The following THSD4 variants were observed in gnomAD, a reference collection of about 807,000 sequenced individuals.
THSD4 encodes thrombospondin type 1 domain containing 4.
THSD4 carries 69 observed loss-of-function variants against 119.0 expected under a neutral mutation model. That is an observed-to-expected ratio of 0.58 (90% confidence interval 0.48 to 0.71). The LOEUF (loss-of-function observed/expected upper bound fraction) is 0.71, where lower values mean the gene tolerates loss of function less well. Among genes scored for constraint, THSD4 ranks in the 30% least tolerant of loss-of-function variants. The pLI is 0.00. For synonymous variants in THSD4, 524 were observed against 540.4 expected (o/e 0.97, Z 0.42); for missense variants, 1,393 against 1,391.1 (o/e 1.00, Z -0.02).
intron 11 of THSD4, among the ~76,000 whole-genome samples, chr15:71,742,770 AT>A (rs1193475228): frequency 3.3e-5 from 5 of 152,092 alleles, no homozygotes; most frequent in Admixed American, 2.6e-4. Context: ...AGTTGTAGAT[AT>A]GGGTCAGGCG....
In THSD4 at chr15:71,289,296, A is replaced by C. The variant is rs1472449033; in HGVS notation, c.1015+32581A>C. Among the ~76,000 whole-genome samples the C allele has an allele frequency of 7.9e-5, 12 of 152,254 alleles. No homozygotes were observed. In the East Asian group the frequency reaches 2.3e-3, roughly 29 times the overall value. On this transcript the variant is annotated intron_variant, in intron 6 of 17. Transcript: ENST00000261862. ...GTGGCACTGCTGGGAGATGGGAATT[A>C]GTGAAGTTCTTTTGCTTACCCCTCT...
chr15:71,538,311 ACTC>A (rs1448052315), intron 7 of THSD4, among the ~76,000 whole-genome samples: 1 of 152,086 alleles, frequency 6.6e-6, no homozygotes, highest in East Asian at 1.9e-4. Flanking sequence ...AAATAACTTT[ACTC>A]CTCAAGTGGC....
intron 6 of THSD4, among the ~76,000 whole-genome samples, chr15:71,404,012 G>A (rs2046573457): frequency 6.6e-6 from 1 of 152,148 alleles, no homozygotes; most frequent in Non-Finnish European, 1.5e-5. Context: ...CTGCAATCTG[G>A]AAACAGAAAT....
At chr15:71,120,726 G>A (rs780642972) in intron 1 of THSD4, among the ~76,000 whole-genome samples, 5 of 152,254 alleles carry the variant, frequency 3.3e-5, no homozygotes, top group African/African-American at 4.8e-5. Context: ...CCTGCTCCAG[G>A]TGGGCTTGGA....
chr15:71,457,857 C>G (rs989818177), intron 7 of THSD4, among the ~76,000 whole-genome samples: 1 of 152,186 alleles, frequency 6.6e-6, no homozygotes, highest in Non-Finnish European at 1.5e-5. Flanking sequence ...TCTTCCTCTC[C>G]AGAATGTGGG....
chr15:71,308,976 G>A (rs115001239), intron 6 of THSD4, among the ~76,000 whole-genome samples: 2,341 of 152,190 alleles, frequency 0.015, 54 homozygotes, highest in African/African-American at 0.054. Flanking sequence ...GTTTTTTGGA[G>A]ACTCACTTCA....
chr15:71,295,441 G>A (rs2044849733), intron 6 of THSD4, among the ~76,000 whole-genome samples: 1 of 152,126 alleles, frequency 6.6e-6, no homozygotes, highest in Non-Finnish European at 1.5e-5. Context: ...GTTTAATGGG[G>A]ACTGACTCAT....
intron 7 of THSD4, among the ~76,000 whole-genome samples, chr15:71,432,692 C>T (rs574227979): frequency 6.6e-6 from 1 of 152,146 alleles, no homozygotes; most frequent in Admixed American, 6.5e-5. Flanking sequence ...GTATAGTCAG[C>T]TTTGACCACA....
intron 6 of THSD4, among the ~76,000 whole-genome samples, chr15:71,399,130 T>G (rs2046489264): frequency 6.6e-6 from 1 of 151,642 alleles, no homozygotes; most frequent in Non-Finnish European, 1.5e-5. Context: ...AGTAGTGAGG[T>G]GGGGGGTGCA....
intron 6 of THSD4, among the ~76,000 whole-genome samples, chr15:71,341,988 A>T (rs957629851): frequency 5.9e-5 from 9 of 152,138 alleles, no homozygotes; most frequent in African/African-American, 2.2e-4. Flanking sequence ...ATATCCTACC[A>T]CAGAGGATTA....
In THSD4 at chr15:71,737,906, C is replaced by T. The variant is rs368102867; in HGVS notation, c.1805C>T (p.Pro602Leu). ...RHPDRFSPHR[P>L]DNLVPPAPQP... ...CCAGACAGATTTTCTCCCCATCGAC[C>T]GGACAACTTGGTGCCACCAGCACCG... The change falls in exon 11 of 18, where the codon CCG becomes CTG. Residue 602 changes from proline (P) to leucine (L), a missense_variant. By Grantham distance (98) the Pro-to-Leu change is moderately conservative. Coordinates refer to ENST00000261862, the MANE Select transcript of THSD4 (RefSeq NM_024817.3). 3.5e-5 allele frequency: 56 copies of T among 1,614,248 alleles called. No homozygotes were observed. The highest frequency in any genetic ancestry group is 4.3e-5 in the Non-Finnish European group (51 of 1,180,036).
At chr15:71,486,682 T>C (rs1375396782) in intron 7 of THSD4, among the ~76,000 whole-genome samples, 1 of 151,864 alleles carries the variant, frequency 6.6e-6, no homozygotes, top group East Asian at 1.9e-4. Flanking sequence ...TAGAAATAGT[T>C]TTAAAAGCTT....
rs192990574 is a variant in THSD4, at chr15:71,102,576, T to A, written c.-80+5570T>A. 1.4e-3 allele frequency among the ~76,000 whole-genome samples: 216 copies of A among 152,300 alleles called. 1 individual carries two copies. The highest frequency in any genetic ancestry group is 0.01 in the Admixed American group (158 of 15,290). On this transcript the variant is annotated intron_variant, in intron 1 of 17. Coordinates refer to the THSD4 transcript ENST00000355327. ...TTTGTTTTTATATCTTCCTTTTTTT[T>A]AAATTTTGAGACAGTTTTGCTTTTG...
intron 7 of THSD4, among the ~76,000 whole-genome samples, chr15:71,617,303 T>A (rs906097561): frequency 1.6e-4 from 25 of 152,200 alleles, no homozygotes; most frequent in Admixed American, 1.6e-3. Context: ...AATGATTTTT[T>A]AAATATTTTA....
intron 8 of THSD4, among the ~76,000 whole-genome samples, chr15:71,719,208 G>A (rs571706958): frequency 6.6e-5 from 10 of 152,200 alleles, no homozygotes; most frequent in Admixed American, 5.2e-4. Flanking sequence ...ACTTCCCTTC[G>A]TTCAAACCCC....
intron 7 of THSD4, among the ~76,000 whole-genome samples, chr15:71,466,681 C>T (rs2047504925): frequency 6.6e-6 from 1 of 152,202 alleles, no homozygotes; most frequent in Admixed American, 6.5e-5. Flanking sequence ...AATGACCCTC[C>T]CTGCTTCCAG....
intron 3 of THSD4, among the ~76,000 whole-genome samples, chr15:71,168,798 A>G (rs527282627): frequency 1.9e-3 from 289 of 152,310 alleles, no homozygotes; most frequent in Non-Finnish European, 3.0e-3. Context: ...AAAAAATTTT[A>G]GGCTACATAA....
chr15:71,140,443 G>A (rs2040591578), intron 1 of THSD4, among the ~76,000 whole-genome samples: 1 of 152,082 alleles, frequency 6.6e-6, no homozygotes, highest in Admixed American at 6.5e-5. Context: ...ATTACCACAA[G>A]GAGGGCATCA....
intron 5 of THSD4, among the ~76,000 whole-genome samples, chr15:71,248,544 T>A (rs947626749): frequency 3.9e-5 from 6 of 152,042 alleles, no homozygotes; most frequent in African/African-American, 1.4e-4. Context: ...TTAGACAGAG[T>A]GCACTTAACA....
Sources: allele counts gnomAD v4.1 joint callset (sites outside exome capture counted in the v4.1 genomes callset), GRCh38; gene constraint gnomAD v4.1.1; transcripts MANE v1.5; gene names NCBI Gene and HGNC (gene_info 2026-07-23, HGNC 2026-07-21).